Variants in DHRS12 observed in about 807,000 individuals in gnomAD.
DHRS12 encodes the protein dehydrogenase/reductase 12.
DHRS12 carries 29 observed loss-of-function variants against 32.1 expected under a neutral mutation model. The observed-to-expected ratio is 0.90, with a 90% CI of 0.67 to 1.23. The LOEUF is 1.23. Ranked by LOEUF, DHRS12 falls within the 50% of genes most tolerant of loss-of-function variation. The pLI, the probability that DHRS12 is intolerant of heterozygous loss-of-function variation, is 0.00. For synonymous variants in DHRS12, 150 were observed against 135.9 expected (o/e 1.10, Z -0.72); for missense variants, 330 against 337.2 (o/e 0.98, Z 0.17).
intron 7 of DHRS12, chr13:51,771,435 G>A (rs867234864): frequency 1.9e-6 from 3 of 1,614,212 alleles, no homozygotes; most frequent in Admixed American, 1.7e-5. Context: ...CAAAAACCTG[G>A]GGAGTGGTGA....
chr13:51,779,321 A>G (rs1954594361), intron 4 of DHRS12, among the ~76,000 whole-genome samples: 1 of 152,198 alleles, frequency 6.6e-6, no homozygotes, highest in African/African-American at 2.4e-5. Flanking sequence ...AACATGCCCC[A>G]TTCCCTCTTT....
chr13:51,787,766 TATAA>T (rs1188975443), intron 4 of DHRS12, among the ~76,000 whole-genome samples: 1 of 111,432 alleles, frequency 9.0e-6, no homozygotes, highest in East Asian at 2.2e-4. Flanking sequence ...TATATAATTA[TATAA>T]ATTATATATA....
chr13:51,791,141 T>G (rs1955248395), intron 3 of DHRS12, 24 bp downstream of exon 3: 1 of 1,479,910 alleles, frequency 6.8e-7, no homozygotes, highest in South Asian at 1.3e-5. Context: ...GAATTTATTC[T>G]CCACTTATGT....
At chr13:51,771,298 G>C (rs373329685) in intron 7 of DHRS12, 2 of 1,566,004 alleles carry the variant, frequency 1.3e-6, no homozygotes, top group African/African-American at 2.7e-5. Flanking sequence ...AGCTGCCTGA[G>C]GTCATGGAGT....
intron 4 of DHRS12, among the ~76,000 whole-genome samples, chr13:51,779,997 C>T (rs536064843): frequency 2.6e-5 from 4 of 151,924 alleles, no homozygotes; most frequent in African/African-American, 4.8e-5. Flanking sequence ...GCTAACGTGG[C>T]GAAACCCCAT....
intron 2 of DHRS12, among the ~76,000 whole-genome samples, chr13:51,794,223 T>C (rs1433586915): frequency 6.6e-6 from 1 of 152,206 alleles, no homozygotes; most frequent in Non-Finnish European, 1.5e-5. Context: ...GCATGGTTAC[T>C]GAAATTGAAC....
At position 51,773,821 on chromosome 13, in the gene DHRS12, A is replaced by G. The variant is rs922165883; in HGVS notation, c.468+109T>C. 20 of 895,084 alleles carry G rather than the reference A, an allele frequency of 2.2e-5. No homozygotes were observed. The African/African-American group carries it at 3.1e-4, about 14-fold the overall frequency. The allele number at this position is 895,084 out of a possible 1,614,324, so 55.4% of individuals were successfully genotyped here. On this transcript the variant is annotated intron_variant, in intron 6 of 8. Transcript: ENST00000444610. Reference sequence around the variant, plus strand: ...GTGAGGGAACATTTTCAGGTGCTGCATGAACTACTAAGGTCCGATTAATGT... The same window carrying G: ...GTGAGGGAACATTTTCAGGTGCTGCGTGAACTACTAAGGTCCGATTAATGT...
At chr13:51,804,031 C>A (rs1303901396) in intron 1 of DHRS12, 23 bp downstream of exon 1, 2 of 1,465,458 alleles carry the variant, frequency 1.4e-6, no homozygotes, top group East Asian at 6.0e-5. Flanking sequence ...CCCGGGGCCC[C>A]GCGCCCCGCC....
chr13:51,773,122 G>A (rs1593509703), intron 6 of DHRS12: 2 of 937,732 alleles, frequency 2.1e-6, no homozygotes, highest in East Asian at 2.3e-4. Context: ...CAGAGATACA[G>A]CAGTACAGGT....
intron 6 of DHRS12, chr13:51,772,997 G>T (rs565863567): frequency 2.1e-4 from 209 of 985,366 alleles, no homozygotes; most frequent in Non-Finnish European, 2.4e-4. Context: ...CAAGGAAGGC[G>T]GAGGGTGCTG....
downstream of DHRS12, chr13:51,767,896 A>AAGAC: frequency 1.1e-6 from 1 of 897,876 alleles, no homozygotes; most frequent in Non-Finnish European, 1.4e-6. Flanking sequence ...TGCGTCCCCT[A>AAGAC]AGACTGAAAT....
intron 6 of DHRS12, chr13:51,773,112 C>A (rs1954112896): frequency 1.1e-6 from 1 of 949,168 alleles, no homozygotes; most frequent in African/African-American, 1.8e-5. Flanking sequence ...CTGTAATAAG[C>A]AGAGATACAG....
At chr13:51,756,875 C>T in the DHRS12 span, among the ~76,000 whole-genome samples, 3 of 152,284 alleles carry the variant, frequency 2.0e-5, no homozygotes, top group South Asian at 2.1e-4. Context: ...AGAGCTAAGT[C>T]GCTTTACCCA....
At chr13:51,792,947 A>C (rs1955346586) in intron 2 of DHRS12, among the ~76,000 whole-genome samples, 1 of 151,454 alleles carries the variant, frequency 6.6e-6, no homozygotes, top group Admixed American at 6.6e-5. Flanking sequence ...TTTTGGTCAA[A>C]AGTTTGCTCT....
chr13:51,797,975 G>A (rs907220057), intron 2 of DHRS12: 2 of 1,454,116 alleles, frequency 1.4e-6, no homozygotes, highest in African/African-American at 2.8e-5. Context: ...TCTTCCTAAT[G>A]AAAAATGAAG....
At chr13:51,797,807 G>A (rs1955575674) in intron 2 of DHRS12, 2 of 1,533,312 alleles carry the variant, frequency 1.3e-6, no homozygotes, top group African/African-American at 2.7e-5. Context: ...CCCAGCAGGA[G>A]GGGTGAGGAG....
the DHRS12 span, chr13:51,756,365 G>A: frequency 2.5e-6 from 4 of 1,613,956 alleles, no homozygotes; most frequent in South Asian, 4.4e-5. Context: ...GGCCGTCTGT[G>A]GCAAGTGCAG....
intron 4 of DHRS12, among the ~76,000 whole-genome samples, chr13:51,780,045 C>T (rs558987108): frequency 3.9e-4 from 60 of 152,140 alleles, no homozygotes; most frequent in Middle Eastern, 6.8e-3. Flanking sequence ...GGCATGGTGG[C>T]CCACACCTGT....
chr13:51,772,370 T>G (rs1189175009), intron 6 of DHRS12, among the ~76,000 whole-genome samples: 1 of 152,122 alleles, frequency 6.6e-6, no homozygotes, highest in Non-Finnish European at 1.5e-5. Context: ...GGCTCAAGTC[T>G]GTAATCCCAA....
Sources: gnomAD v4.1 joint callset for allele counts (sites outside exome capture counted in the v4.1 genomes callset) on GRCh38, gnomAD v4.1.1 for gene constraint, MANE v1.5 for transcripts, NCBI Gene and HGNC (gene_info 2026-07-23, HGNC 2026-07-21) for gene names.